ZNF469: variants seen among roughly 807,000 people sequenced by gnomAD.
The protein encoded by ZNF469 is zinc finger protein 469.
Under a neutral mutation model 1.0 loss-of-function variants are expected in ZNF469, and 1 was observed. The observed-to-expected ratio is 1.00, with a 90% CI of 0.35 to 4.73. The LOEUF is 4.73. Ranked by LOEUF, ZNF469 falls within the 30% of genes most tolerant of loss-of-function variation. The probability of loss-of-function intolerance (pLI) is 0.16; values close to 1 mark genes in which losing one functional copy is unlikely to be tolerated. For missense variants in ZNF469, 6,100 were observed against 5,356.3 expected (o/e 1.14, Z -4.33); for synonymous variants, 2,703 against 2,363.4 (o/e 1.14, Z -4.17).
chr16:88,121,221 G>A, the ZNF469 span, among the ~76,000 whole-genome samples: 1 of 73,892 alleles, frequency 1.4e-5, no homozygotes, highest in Non-Finnish European at 3.1e-5. Flanking sequence ...ACCATGCATG[G>A]TGAAGGGGGG....
the ZNF469 span, among the ~76,000 whole-genome samples, chr16:88,300,952 C>A: frequency 6.6e-6 from 1 of 152,032 alleles, no homozygotes; most frequent in Non-Finnish European, 1.5e-5. Context: ...GTAATCCCAG[C>A]TACTCGGGAG....
the ZNF469 span, among the ~76,000 whole-genome samples, chr16:88,122,881 C>A: frequency 8.5e-5 from 13 of 152,112 alleles, no homozygotes; most frequent in African/African-American, 2.4e-4. Flanking sequence ...CTCACTCTGT[C>A]CCCCAGGCTG....
chr16:88,303,188 C>T, the ZNF469 span, among the ~76,000 whole-genome samples: 1 of 152,220 alleles, frequency 6.6e-6, no homozygotes, highest in Non-Finnish European at 1.5e-5. Flanking sequence ...TGCAGCCTGT[C>T]ATTGTCGGAG....
the ZNF469 span, among the ~76,000 whole-genome samples, chr16:88,159,379 T>C: frequency 6.6e-6 from 1 of 152,040 alleles, no homozygotes; most frequent in East Asian, 1.9e-4. Flanking sequence ...AGAGGAGCCG[T>C]CTCTACCGTG....
intron 1 of ZNF469, among the ~76,000 whole-genome samples, chr16:88,403,807 A>T (rs1276150217): frequency 6.6e-6 from 1 of 152,102 alleles, no homozygotes; most frequent in Non-Finnish European, 1.5e-5. Flanking sequence ...GCCTGTCTGG[A>T]TGCCTCCCGC....
chr16:88,240,060 G>A, the ZNF469 span, among the ~76,000 whole-genome samples: 1 of 150,512 alleles, frequency 6.6e-6, no homozygotes, highest in Non-Finnish European at 1.5e-5. Flanking sequence ...CCTGCCCAGA[G>A]AAGAGCCAAA....
the ZNF469 span, among the ~76,000 whole-genome samples, chr16:88,321,166 G>A: frequency 9.8e-5 from 15 of 152,376 alleles, no homozygotes; most frequent in Admixed American, 5.9e-4. Flanking sequence ...TGTCCTGGGC[G>A]AGGCGCCAAG....
At chr16:88,315,076 G>A in the ZNF469 span, among the ~76,000 whole-genome samples, 4 of 152,332 alleles carry the variant, frequency 2.6e-5, no homozygotes, top group African/African-American at 4.8e-5. Flanking sequence ...TGTCCTCCTC[G>A]ATCTGACCTG....
intron 1 of ZNF469, among the ~76,000 whole-genome samples, chr16:88,416,548 A>G (rs1905305164): frequency 6.6e-6 from 1 of 152,216 alleles, no homozygotes; most frequent in Non-Finnish European, 1.5e-5. Context: ...CTTCTGACCC[A>G]GAGAGTCTGG....
the ZNF469 span, among the ~76,000 whole-genome samples, chr16:88,108,048 C>T: frequency 6.6e-6 from 1 of 152,156 alleles, no homozygotes; most frequent in Non-Finnish European, 1.5e-5. Context: ...GAAGAGAAGA[C>T]TTTCTTGAGG....
chr16:88,130,167 G>A, the ZNF469 span, among the ~76,000 whole-genome samples: 2 of 152,192 alleles, frequency 1.3e-5, no homozygotes, highest in African/African-American at 4.8e-5. Flanking sequence ...TTCCCAGATG[G>A]CAGCTTGCAG....
intron 1 of ZNF469, among the ~76,000 whole-genome samples, chr16:88,421,020 A>AGGGCCAGGGGTG (rs1905440350): frequency 1.3e-5 from 2 of 152,146 alleles, no homozygotes; most frequent in African/African-American, 4.8e-5. Context: ...CTGGGAAGGA[A>AGGGCCAGGGGTG]GGGCCAGGGG....
upstream of ZNF469, among the ~76,000 whole-genome samples, chr16:88,381,051 GAC>G (rs2092522233): frequency 2.7e-5 from 2 of 73,776 alleles, no homozygotes; most frequent in African/African-American, 5.5e-5. Flanking sequence ...CACTCACACA[GAC>G]ACGCTCTCAC....
chr16:88,403,093 T>A (rs1904929940), intron 1 of ZNF469, among the ~76,000 whole-genome samples: 1 of 151,424 alleles, frequency 6.6e-6, no homozygotes. Context: ...GAAGGAGAGG[T>A]GTGGGAGGGA....
intron 1 of ZNF469, among the ~76,000 whole-genome samples, chr16:88,420,481 G>C (rs562312050): frequency 1.3e-5 from 2 of 152,346 alleles, no homozygotes; most frequent in East Asian, 3.9e-4. Context: ...GAGGCCAGGA[G>C]GCCCAATTGG....
intron 1 of ZNF469, among the ~76,000 whole-genome samples, chr16:88,387,872 T>C (rs1029303635): frequency 4.6e-5 from 7 of 152,046 alleles, no homozygotes; most frequent in African/African-American, 1.7e-4. Context: ...AAAGGGCCCA[T>C]CTCCCCAGCC....
At chr16:88,185,818 C>T in the ZNF469 span, among the ~76,000 whole-genome samples, 17,605 of 147,476 alleles carry the variant, frequency 0.12, 1,338 homozygotes, top group East Asian at 0.25. Flanking sequence ...CACGCATACA[C>T]GTGCCCAGAC....
the ZNF469 span, among the ~76,000 whole-genome samples, chr16:88,331,111 C>T: frequency 6.6e-6 from 1 of 150,658 alleles, no homozygotes; most frequent in African/African-American, 2.4e-5. Context: ...GTCACCATCG[C>T]CACCACCATC....
chr16:88,236,897 C>T, the ZNF469 span, among the ~76,000 whole-genome samples: 1 of 152,188 alleles, frequency 6.6e-6, no homozygotes, highest in South Asian at 2.1e-4. Context: ...TTAAAAGAAT[C>T]AGTGCTCTGC....
Sources: allele counts gnomAD v4.1 joint callset (sites outside exome capture counted in the v4.1 genomes callset), GRCh38; gene constraint gnomAD v4.1.1; transcripts MANE v1.5; gene names NCBI Gene and HGNC (gene_info 2026-07-23, HGNC 2026-07-21).